Variants in C9orf85 observed in about 807,000 individuals in gnomAD.
The protein encoded by C9orf85 is chromosome 9 open reading frame 85.
A neutral mutation model predicts 14.9 loss-of-function variants in C9orf85; 16 were observed. The observed-to-expected ratio is 1.08, with a 90% CI of 0.73 to 1.63. The LOEUF (loss-of-function observed/expected upper bound fraction) is 1.63, where lower values mean the gene tolerates loss of function less well. C9orf85 is among the 40% of genes most tolerant of loss of function. The pLI is 0.00. For synonymous variants in C9orf85, 45 were observed against 56.8 expected (o/e 0.79, Z 0.93); for missense variants, 172 against 186.1 (o/e 0.92, Z 0.44).
rs376743954 is a variant in C9orf85 at position 71,972,866 on chromosome 9, G to T, written c.*24G>T. 3.2e-6 allele frequency: 5 copies of T among 1,581,468 alleles called. No individual in the cohort carries two copies. The highest frequency in any genetic ancestry group is 2.3e-5 in the South Asian group (2 of 87,560). ...AATATCACTGTATTAAAAGTCTGCC[G>T]GGCACAGTGGCTCACGCCTGTAATC... On this transcript the variant is annotated 3_prime_UTR_variant, in exon 4 of 4. Coordinates refer to ENST00000334731, the MANE Select transcript of C9orf85 (RefSeq NM_182505.5).
At chr9:71,972,322 C>T (rs1423821562) in intron 3 of C9orf85, among the ~76,000 whole-genome samples, 2 of 151,952 alleles carry the variant, frequency 1.3e-5, no homozygotes, top group South Asian at 2.1e-4. Flanking sequence ...TGCAATGGCA[C>T]GATCTTGGCT....
chr9:71,954,119 A>AG (rs1306438600), intron 2 of C9orf85, among the ~76,000 whole-genome samples: 1 of 150,884 alleles, frequency 6.6e-6, no homozygotes, highest in African/African-American at 2.4e-5. Context: ...GCTTGGAAAA[A>AG]AAAAAAAAAA....
intron 2 of C9orf85, among the ~76,000 whole-genome samples, chr9:71,955,585 A>G (rs4745141): frequency 0.98 from 149,671 of 152,326 alleles, 73,594 homozygotes; most frequent in Middle Eastern, 1. Context: ...TTGGCTGACT[A>G]TGGTTGGCTG....
intron 1 of C9orf85, among the ~76,000 whole-genome samples, chr9:71,925,014 C>T (rs780577012): frequency 6.6e-6 from 1 of 152,120 alleles, no homozygotes; most frequent in Non-Finnish European, 1.5e-5. Context: ...ATGAGCAGTT[C>T]TTTGACTCTC....
intron 1 of C9orf85, chr9:71,941,667 T>TA (rs747668455): frequency 7.2e-5 from 11 of 152,154 alleles, no homozygotes; most frequent in Non-Finnish European, 1.3e-4. Context: ...AGATAACAGA[T>TA]ATACAGTACT....
intron 3 of C9orf85, among the ~76,000 whole-genome samples, chr9:71,979,214 A>G (rs540653139): frequency 2.6e-5 from 4 of 152,200 alleles, no homozygotes; most frequent in Non-Finnish European, 5.9e-5. Flanking sequence ...TCTGAGGCAG[A>G]ATGATCTGAA....
intron 1 of C9orf85, among the ~76,000 whole-genome samples, chr9:71,938,937 T>C (rs1828262003): frequency 1.3e-5 from 2 of 151,714 alleles, no homozygotes; most frequent in African/African-American, 2.4e-5. Context: ...AAAGTATATA[T>C]ATTAATATGG....
At chr9:71,975,324 C>G (rs1363479898), downstream of C9orf85, among the ~76,000 whole-genome samples, 1 of 151,736 alleles carries the variant, frequency 6.6e-6, no homozygotes, top group Admixed American at 6.6e-5. Context: ...GCCTGCAATC[C>G]CAGCTACTCC....
downstream of C9orf85, among the ~76,000 whole-genome samples, chr9:71,973,872 T>TTA (rs397743972): frequency 6.6e-6 from 1 of 150,378 alleles, no homozygotes; most frequent in African/African-American, 2.4e-5. Context: ...TTTTTTTTTT[T>TTA]AACTCTTCTT....
intron 1 of C9orf85, among the ~76,000 whole-genome samples, chr9:71,933,784 T>A (rs1260575911): frequency 3.3e-5 from 5 of 152,226 alleles, no homozygotes; most frequent in African/African-American, 1.2e-4. Context: ...AACTGAGAAC[T>A]AAACTCTAAC....
At chr9:71,916,002 T>C (rs1827640259) in intron 1 of C9orf85, among the ~76,000 whole-genome samples, 1 of 152,210 alleles carries the variant, frequency 6.6e-6, no homozygotes, top group Non-Finnish European at 1.5e-5. Flanking sequence ...TGCTAGATAT[T>C]GGAAGTATAG....
intron 1 of C9orf85, among the ~76,000 whole-genome samples, chr9:71,945,090 T>G (rs2132304039): frequency 6.6e-6 from 1 of 152,298 alleles, no homozygotes; most frequent in South Asian, 2.1e-4. Context: ...ACAATAAAAT[T>G]GCAGGTAGTG....
chr9:71,973,281 A>G lies in C9orf85; in HGVS notation c.*439A>G, dbSNP rs907326298. 3 of 152,360 alleles carry G rather than the reference A, an allele frequency of 2.0e-5. No individual in the cohort carries two copies. The highest frequency in any genetic ancestry group is 7.2e-5 in the African/African-American group (3 of 41,476). The allele number at this position is 152,360 out of a possible 1,614,324, so 9.4% of individuals were successfully genotyped here. On this transcript the variant is annotated 3_prime_UTR_variant, in exon 4 of 4. Coordinates refer to ENST00000334731, the MANE Select transcript of C9orf85 (RefSeq NM_182505.5). ...ATGGAAAAATAGACAAATTTCATAC[A>G]TGAACAATATAAATTGTGTATATTA... is the stretch of plus-strand genomic sequence containing the variant.
chr9:71,979,047 G>GT (rs1823052798), intron 3 of C9orf85, among the ~76,000 whole-genome samples: 1 of 96,656 alleles, frequency 1.0e-5, no homozygotes, highest in African/African-American at 3.1e-5. Context: ...AAAAAAAAAT[G>GT]TTTTTTTGCT....
chr9:71,919,307 T>A (rs1827732318), intron 1 of C9orf85, among the ~76,000 whole-genome samples: 1 of 152,084 alleles, frequency 6.6e-6, no homozygotes, highest in Non-Finnish European at 1.5e-5. Context: ...TTAGTGTGAG[T>A]GGTGAAGTGC....
At chr9:71,921,656 G>T (rs1410243463) in intron 1 of C9orf85, among the ~76,000 whole-genome samples, 1 of 152,226 alleles carries the variant, frequency 6.6e-6, no homozygotes, top group Non-Finnish European at 1.5e-5. Context: ...CTGAGACTGA[G>T]TCATGGGCCA....
At chr9:71,934,359 G>T (rs913054779) in intron 1 of C9orf85, among the ~76,000 whole-genome samples, 4 of 152,006 alleles carry the variant, frequency 2.6e-5, no homozygotes, top group Non-Finnish European at 5.9e-5. Context: ...ATCCTTACCT[G>T]TAAGCCATCT....
chr9:71,944,056 G>A (rs186884532), intron 1 of C9orf85, among the ~76,000 whole-genome samples: 224 of 151,676 alleles, frequency 1.5e-3, no homozygotes, highest in African/African-American at 4.3e-3. Context: ...GCCAAATGGC[G>A]AAACCCCATC....
At chr9:71,939,943 A>G (rs547118256) in intron 1 of C9orf85, among the ~76,000 whole-genome samples, 1 of 152,362 alleles carries the variant, frequency 6.6e-6, no homozygotes, top group African/African-American at 2.4e-5. Flanking sequence ...AAAATAGATT[A>G]TAGACTAAAT....
Sources: allele counts gnomAD v4.1 joint callset (sites outside exome capture counted in the v4.1 genomes callset), GRCh38; gene constraint gnomAD v4.1.1; transcripts MANE v1.5; gene names NCBI Gene and HGNC (gene_info 2026-07-23, HGNC 2026-07-21).